Variants in BTBD3 observed in about 807,000 individuals in gnomAD.
BTBD3 encodes BTB domain containing 3, also known as BTB/POZ domain-containing protein 3.
In BTBD3, 14 loss-of-function variants were observed where a neutral mutation model predicts 41.6. The observed-to-expected ratio is 0.34, with a 90% CI of 0.22 to 0.53. BTBD3 has a LOEUF of 0.53. Ranked by LOEUF, BTBD3 falls within the 20% of genes least tolerant of loss-of-function variation. The pLI is 0.95. For synonymous variants in BTBD3, 249 were observed against 233.7 expected, an observed-to-expected ratio of 1.07 and a Z score of -0.60; for missense variants, 426 against 654.7, an observed-to-expected ratio of 0.65 and a Z score of 3.81.
At chr20:11,919,475 A>C (rs2056947063) in intron 2 of BTBD3, 3 of 1,361,652 alleles carry the variant, frequency 2.2e-6, no homozygotes, top group Admixed American at 2.9e-5. Context: ...TATGTAAGCT[A>C]TTATTGTATG....
intron 1 of BTBD3, among the ~76,000 whole-genome samples, chr20:11,912,612 GT>G (rs1217572008): frequency 2.0e-5 from 3 of 152,306 alleles, no homozygotes; most frequent in African/African-American, 7.2e-5. Flanking sequence ...GAGATTTTGT[GT>G]TTTAGATGAT....
At chr20:11,900,932 C>G (rs556973372) in intron 1 of BTBD3, among the ~76,000 whole-genome samples, 3 of 151,934 alleles carry the variant, frequency 2.0e-5, no homozygotes, top group Non-Finnish European at 4.4e-5. Flanking sequence ...AGGATGGTCT[C>G]GATATCCTGA....
intron 1 of BTBD3, among the ~76,000 whole-genome samples, chr20:11,904,025 T>C (rs541967699): frequency 5.9e-5 from 9 of 152,326 alleles, no homozygotes; most frequent in African/African-American, 2.2e-4. Context: ...TCTAGGAGAA[T>C]GAAAGGGAAA....
intron 3 of BTBD3, among the ~76,000 whole-genome samples, chr20:11,920,251 T>G (rs1487938990): frequency 1.3e-5 from 2 of 152,194 alleles, no homozygotes; most frequent in Non-Finnish European, 2.9e-5. Flanking sequence ...GTTGGGAGAT[T>G]TCTGAGTATT....
chr20:11,907,680 G>A (rs1181517952), intron 1 of BTBD3, among the ~76,000 whole-genome samples: 2 of 152,210 alleles, frequency 1.3e-5, no homozygotes, highest in South Asian at 2.1e-4. Flanking sequence ...TTTGGACTGC[G>A]TCTTGAAGGA....
chr20:11,924,510 T>A lies in BTBD3; in HGVS notation c.*844T>A, dbSNP rs1266748998. Reference sequence around the variant, plus strand: ...TAATTTAATTGATGGCATATAAGAATATGCAGTTTGAAAAAGCCAAACTCT... The same window carrying A: ...TAATTTAATTGATGGCATATAAGAAAATGCAGTTTGAAAAAGCCAAACTCT... On this transcript the variant is annotated 3_prime_UTR_variant, in exon 4 of 4. Coordinates refer to ENST00000378226, the MANE Select transcript of BTBD3 (RefSeq NM_014962.4). 1 of 152,634 alleles carries A rather than the reference T, an allele frequency of 6.6e-6. No homozygotes were observed. The allele number at this position is 152,634 out of a possible 1,614,324, so 9.5% of individuals were successfully genotyped here. A position where few individuals can be genotyped will look rare whatever the true frequency, so the allele number is the denominator to read the frequency against.
intron 1 of BTBD3, chr20:11,918,864 A>G: frequency 1.7e-6 from 1 of 573,300 alleles, no homozygotes; most frequent in Non-Finnish European, 3.0e-6. Context: ...ATTTGTCCTT[A>G]GCTTTATTAA....
upstream of BTBD3, chr20:11,917,825 T>C: frequency 1.5e-6 from 1 of 687,880 alleles, no homozygotes; most frequent in Non-Finnish European, 1.8e-6. Flanking sequence ...CTTCAGCTAT[T>C]GGCTCGGAGC....
At chr20:11,893,814 C>CT (rs141200500) in intron 1 of BTBD3, among the ~76,000 whole-genome samples, 2 of 151,670 alleles carry the variant, frequency 1.3e-5, no homozygotes, top group African/African-American at 4.8e-5. Flanking sequence ...CCATTTTACT[C>CT]TGTTTGTCTG....
At chr20:11,896,161 TA>T (rs1259389429) in intron 1 of BTBD3, among the ~76,000 whole-genome samples, 1 of 152,220 alleles carries the variant, frequency 6.6e-6, no homozygotes, top group Non-Finnish European at 1.5e-5. Flanking sequence ...GTGTTTCTTT[TA>T]AGGGTCATGA....
At chr20:11,922,480 A>T (rs2056978624) in intron 3 of BTBD3, among the ~76,000 whole-genome samples, 154 bp from the exon 4 acceptor site, 2 of 152,222 alleles carry the variant, frequency 1.3e-5, no homozygotes, top group African/African-American at 2.4e-5. Flanking sequence ...ATTTATTAAT[A>T]TGTTTCGAAT....
chr20:11,897,296 G>T (rs1481763773), intron 1 of BTBD3, among the ~76,000 whole-genome samples: 1 of 152,072 alleles, frequency 6.6e-6, no homozygotes, highest in African/African-American at 2.4e-5. Flanking sequence ...GTGAATATGT[G>T]AAAGACGCTT....
At chr20:11,905,780 C>T (rs1268873612) in intron 1 of BTBD3, among the ~76,000 whole-genome samples, 1 of 152,184 alleles carries the variant, frequency 6.6e-6, no homozygotes, top group Non-Finnish European at 1.5e-5. Flanking sequence ...CCTGGTGAAA[C>T]TCTTGCCTTT....
chr20:11,920,352 T>A (rs1301284440), intron 3 of BTBD3, among the ~76,000 whole-genome samples: 1 of 152,188 alleles, frequency 6.6e-6, no homozygotes, highest in East Asian at 1.9e-4. Context: ...TACATACTCA[T>A]ATAAAATCAG....
intron 1 of BTBD3, among the ~76,000 whole-genome samples, chr20:11,896,893 T>C (rs2056790269): frequency 6.6e-6 from 1 of 152,216 alleles, no homozygotes; most frequent in African/African-American, 2.4e-5. Context: ...GTTGGGGTGG[T>C]ATAGGAGATG....
At chr20:11,917,344 A>G (rs1032181814), upstream of BTBD3, among the ~76,000 whole-genome samples, 1 of 152,206 alleles carries the variant, frequency 6.6e-6, no homozygotes, top group African/African-American at 2.4e-5. Flanking sequence ...TATAGAAGCT[A>G]GAAAACATTG....
intron 1 of BTBD3, among the ~76,000 whole-genome samples, chr20:11,896,007 G>T (rs1404240801): frequency 6.6e-6 from 1 of 152,080 alleles, no homozygotes; most frequent in Non-Finnish European, 1.5e-5. Flanking sequence ...ACTTAAGTGG[G>T]GTTTAGGGAA....
chr20:11,919,067 G>C lies in BTBD3; in HGVS notation c.327-19G>C, dbSNP rs770363176. The C allele has an allele frequency of 2.6e-5, 42 of 1,589,486 alleles. No individual in the cohort carries two copies. The highest frequency in any genetic ancestry group is 1.5e-5 in the Non-Finnish European group (17 of 1,159,976). On this transcript the variant is annotated intron_variant, in intron 1 of 3. Coordinates refer to ENST00000378226, the MANE Select transcript of BTBD3 (RefSeq NM_014962.4). Reference sequence around the variant, plus strand: ...AAAATGCAGGCTGCTGTGAATTAATGAGTTGCCTCTGTTTATAGAAATGCG... The same window carrying C: ...AAAATGCAGGCTGCTGTGAATTAATCAGTTGCCTCTGTTTATAGAAATGCG...
chr20:11,902,308 G>C (rs1290204334), intron 1 of BTBD3, among the ~76,000 whole-genome samples: 1 of 152,164 alleles, frequency 6.6e-6, no homozygotes, highest in Non-Finnish European at 1.5e-5. Flanking sequence ...TACATCATCT[G>C]TTTACAAGAT....
Sources: allele counts gnomAD v4.1 joint callset (sites outside exome capture counted in the v4.1 genomes callset), GRCh38; gene constraint gnomAD v4.1.1; transcripts MANE v1.5; gene names NCBI Gene and HGNC (gene_info 2026-07-23, HGNC 2026-07-21).